The following PDE7B variants were observed in gnomAD, a reference collection of about 807,000 sequenced individuals.
PDE7B encodes the protein phosphodiesterase 7B.
PDE7B carries 29 observed loss-of-function variants against 56.2 expected under a neutral mutation model. The observed-to-expected ratio is 0.52, with a 90% CI of 0.38 to 0.70. The LOEUF is 0.70. PDE7B is among the 30% of genes least tolerant of loss of function. The pLI is 0.00. For synonymous variants in PDE7B, 197 were observed against 196.9 expected, an observed-to-expected ratio of 1.00 and a Z score of 0.00; for missense variants, 490 against 565.0, an observed-to-expected ratio of 0.87 and a Z score of 1.35.
chr6:136,079,421 T>A (rs1345405656), intron 2 of PDE7B, among the ~76,000 whole-genome samples: 1 of 152,134 alleles, frequency 6.6e-6, no homozygotes, highest in East Asian at 1.9e-4. Flanking sequence ...TGAATAAAAT[T>A]TAAAATTCAG....
chr6:136,094,962 G>A (rs546866381), intron 2 of PDE7B: 3 of 152,190 alleles, frequency 2.0e-5, no homozygotes, highest in South Asian at 2.1e-4. Context: ...ACACACACAC[G>A]CTCCACATAC....
intron 1 of PDE7B, among the ~76,000 whole-genome samples, chr6:135,874,121 G>C (rs1224403187): frequency 6.6e-6 from 1 of 152,152 alleles, no homozygotes; most frequent in Non-Finnish European, 1.5e-5. Flanking sequence ...TAACTTCTGA[G>C]ACTTGAAGGA....
chr6:135,898,239 A>G (rs1775936666), intron 1 of PDE7B, among the ~76,000 whole-genome samples: 1 of 152,196 alleles, frequency 6.6e-6, no homozygotes, highest in African/African-American at 2.4e-5. Flanking sequence ...TGTAGTTTTC[A>G]TTGTCTGCTA....
chr6:136,088,116 G>C (rs1253617491), intron 2 of PDE7B, among the ~76,000 whole-genome samples: 1 of 152,148 alleles, frequency 6.6e-6, no homozygotes, highest in Non-Finnish European at 1.5e-5. Context: ...TTTTACCAGG[G>C]ACATCTTTAA....
chr6:136,068,432 T>TA (rs1418636414), intron 2 of PDE7B, among the ~76,000 whole-genome samples: 1 of 137,984 alleles, frequency 7.2e-6, no homozygotes, highest in Non-Finnish European at 1.5e-5. Context: ...CCTTTTTTTT[T>TA]TTTTTTTTTT....
At chr6:135,978,033 C>T (rs1775222082) in intron 2 of PDE7B, among the ~76,000 whole-genome samples, 1 of 152,094 alleles carries the variant, frequency 6.6e-6, no homozygotes, top group Non-Finnish European at 1.5e-5. Flanking sequence ...TACGGTAATG[C>T]ATCACTTAAC....
Position 136,187,115 on chromosome 6 carries a change from T to C in PDE7B, c.1125T>C (p.Ile375=). 1 of 1,476,474 alleles carries C rather than the reference T, an allele frequency of 6.8e-7. No individual in the cohort carries two copies. Among genetic ancestry groups the C allele is most frequent in the Non-Finnish European group, 9.4e-7 (1 of 1,058,332 alleles). The allele number at this position is 1,476,474 out of a possible 1,614,324, so 91.5% of individuals were successfully genotyped here. The change falls in exon 12 of 13, where the codon ATT becomes ATC. Residue 375 remains isoleucine (I), a splice_region_variant and synonymous_variant. Transcript: ENST00000308191. ...AAGATTCCATCCCTAGTATACAAAT[T>C]GGTGAGTTGAATTCAGTGTTAATTC... ...QQKDSIPSIQ[I]GFMSYIVEPL... is the part of the protein sequence containing the mutation.
At chr6:136,165,972 T>TA (rs929239285) in intron 8 of PDE7B, among the ~76,000 whole-genome samples, 1 of 152,206 alleles carries the variant, frequency 6.6e-6, no homozygotes, top group Non-Finnish European at 1.5e-5. Context: ...ATCTTAAACC[T>TA]AAGGCCATCA....
chr6:136,004,229 A>G (rs1002217640), intron 2 of PDE7B, among the ~76,000 whole-genome samples: 6 of 152,210 alleles, frequency 3.9e-5, no homozygotes, highest in Non-Finnish European at 5.9e-5. Flanking sequence ...ATCTATGACA[A>G]ACCCACAGCT....
chr6:135,998,284 TAC>T (rs984324341), intron 2 of PDE7B, among the ~76,000 whole-genome samples: 4 of 152,206 alleles, frequency 2.6e-5, no homozygotes, highest in Non-Finnish European at 5.9e-5. Context: ...GATAGTTTTT[TAC>T]ACAGTTTTTT....
chr6:136,020,380 T>C (rs371406612), intron 2 of PDE7B, among the ~76,000 whole-genome samples: 4 of 152,240 alleles, frequency 2.6e-5, no homozygotes, highest in South Asian at 4.1e-4. Context: ...AGCCTTTTTA[T>C]ATATGTGTGT....
At chr6:136,092,422 C>G (rs1241313242) in intron 2 of PDE7B, among the ~76,000 whole-genome samples, 1 of 152,066 alleles carries the variant, frequency 6.6e-6, no homozygotes, top group African/African-American at 2.4e-5. Flanking sequence ...CAAAAATTGT[C>G]TAAATTTTCA....
chr6:136,038,471 C>T, intron 2 of PDE7B: 1 of 1,289,938 alleles, frequency 7.8e-7, no homozygotes, highest in Non-Finnish European at 1.0e-6. Flanking sequence ...AAGTGAGCTG[C>T]AGGCGACCAA....
intron 2 of PDE7B, among the ~76,000 whole-genome samples, chr6:136,027,573 CAA>C (rs1776174902): frequency 6.6e-6 from 1 of 151,824 alleles, no homozygotes; most frequent in Admixed American, 6.6e-5. Flanking sequence ...TTTTAGTTGT[CAA>C]GACATAAAAA....
At chr6:135,906,998 G>A (rs1166162510) in intron 1 of PDE7B, among the ~76,000 whole-genome samples, 1 of 151,714 alleles carries the variant, frequency 6.6e-6, no homozygotes, top group Non-Finnish European at 1.5e-5. Flanking sequence ...ATTCTTCCCA[G>A]CTCATGAAAA....
intron 3 of PDE7B, among the ~76,000 whole-genome samples, chr6:136,110,472 G>A (rs944558135): frequency 2.0e-5 from 3 of 152,148 alleles, no homozygotes; most frequent in Non-Finnish European, 4.4e-5. Context: ...TTTGAAAGTC[G>A]GAGGGAGAAA....
intron 4 of PDE7B, 71 bp downstream of exon 4, chr6:136,147,573 G>C: frequency 7.6e-7 from 1 of 1,311,654 alleles, no homozygotes; most frequent in Non-Finnish European, 1.1e-6. Flanking sequence ...GATAGCACTG[G>C]TGTTGGAGTC....
intron 2 of PDE7B, among the ~76,000 whole-genome samples, chr6:135,964,099 T>C (rs1251609067): frequency 6.9e-6 from 1 of 144,190 alleles, no homozygotes; most frequent in African/African-American, 2.8e-5. Context: ...TTTTTCTGGG[T>C]TTTTTTTTTC....
At chr6:136,191,398 G>A (rs1779222289) in intron 12 of PDE7B, among the ~76,000 whole-genome samples, 1 of 152,248 alleles carries the variant, frequency 6.6e-6, no homozygotes. Context: ...CGGGCACAGT[G>A]GCTCAGGCCC....
Sources: allele counts gnomAD v4.1 joint callset (sites outside exome capture counted in the v4.1 genomes callset), GRCh38; gene constraint gnomAD v4.1.1; transcripts MANE v1.5; gene names NCBI Gene and HGNC (gene_info 2026-07-23, HGNC 2026-07-21).